Variants in UBAC2 observed in about 807,000 individuals in gnomAD.
The protein encoded by UBAC2 is UBA domain containing 2.
A neutral mutation model predicts 44.0 loss-of-function variants in UBAC2; 26 were observed. The ratio of observed to expected loss-of-function variants is 0.59; its 90% confidence interval spans 0.43 to 0.82. The LOEUF is 0.82. UBAC2 is among the 40% of genes least tolerant of loss of function. The pLI is 0.00. For synonymous variants in UBAC2, 155 were observed against 154.3 expected (o/e 1.00, Z -0.04); for missense variants, 329 against 419.4 (o/e 0.78, Z 1.88).
At chr13:99,346,387 A>G (rs1031303153) in intron 7 of UBAC2, among the ~76,000 whole-genome samples, 6 of 152,120 alleles carry the variant, frequency 3.9e-5, no homozygotes, top group Non-Finnish European at 8.8e-5. Flanking sequence ...CACTCCAGCT[A>G]TCATCCTTCA....
intron 7 of UBAC2, among the ~76,000 whole-genome samples, chr13:99,354,481 C>G (rs2390241): frequency 1.3e-5 from 2 of 152,182 alleles, no homozygotes; most frequent in African/African-American, 4.8e-5. Context: ...CACTTGGCGG[C>G]TTGGCTGAGT....
intron 6 of UBAC2, among the ~76,000 whole-genome samples, chr13:99,332,216 T>C (rs2044725657): frequency 6.6e-6 from 1 of 152,140 alleles, no homozygotes; most frequent in African/African-American, 2.4e-5. Context: ...CATTGCAAAG[T>C]CATAGTTTCT....
chr13:99,305,342 A>AC (rs1306047375), intron 4 of UBAC2, among the ~76,000 whole-genome samples: 3 of 151,714 alleles, frequency 2.0e-5, no homozygotes, highest in Non-Finnish European at 4.4e-5. Context: ...AAGGTGATAA[A>AC]CCCCCCAGAC....
At chr13:99,361,404 A>G (rs896813218) in intron 7 of UBAC2, among the ~76,000 whole-genome samples, 1 of 152,180 alleles carries the variant, frequency 6.6e-6, no homozygotes, top group Non-Finnish European at 1.5e-5. Context: ...TCTGCTTTTT[A>G]AGCACTTTTC....
chr13:99,349,819 A>ACC (rs2045052909), intron 7 of UBAC2, among the ~76,000 whole-genome samples: 2 of 152,168 alleles, frequency 1.3e-5, no homozygotes, highest in Non-Finnish European at 2.9e-5. Flanking sequence ...CATCACAGGG[A>ACC]GGGGTTTAGG....
intron 6 of UBAC2, among the ~76,000 whole-genome samples, chr13:99,320,057 T>C (rs1336056087): frequency 6.6e-6 from 1 of 152,234 alleles, no homozygotes; most frequent in African/African-American, 2.4e-5. Flanking sequence ...TTACTCTCCA[T>C]ATTTGTCCCC....
intron 1 of UBAC2, among the ~76,000 whole-genome samples, chr13:99,236,551 A>T (rs2043234841): frequency 6.6e-6 from 1 of 152,240 alleles, no homozygotes; most frequent in African/African-American, 2.4e-5. Context: ...TCAAAAAGAC[A>T]GGAATAACAG....
chr13:99,357,023 G>A (rs751963137), intron 7 of UBAC2, among the ~76,000 whole-genome samples: 1 of 152,160 alleles, frequency 6.6e-6, no homozygotes, highest in Non-Finnish European at 1.5e-5. Flanking sequence ...GCTCACTCTT[G>A]TAGTCATGCA....
chr13:99,364,373 G>T (rs892489603), intron 7 of UBAC2, among the ~76,000 whole-genome samples: 3 of 149,174 alleles, frequency 2.0e-5, no homozygotes, highest in African/African-American at 5.0e-5. Flanking sequence ...CTAGATAAGA[G>T]AATTATTTTG....
chr13:99,347,906 C>T (rs1486811364), intron 7 of UBAC2, among the ~76,000 whole-genome samples: 1 of 152,032 alleles, frequency 6.6e-6, no homozygotes. Context: ...GTGGTGCCCA[C>T]TTCTTATCTC....
intron 1 of UBAC2, chr13:99,201,372 C>G: frequency 6.3e-7 from 1 of 1,585,188 alleles, no homozygotes; most frequent in Non-Finnish European, 8.6e-7. Flanking sequence ...TTGCAAAGTT[C>G]AGCCTCCGCT....
intron 4 of UBAC2, among the ~76,000 whole-genome samples, chr13:99,299,022 GA>G (rs1198325541): frequency 1.3e-5 from 2 of 151,864 alleles, no homozygotes; most frequent in Admixed American, 6.5e-5. Context: ...TACATGGCAG[GA>G]AAAAAATACT....
At chr13:99,357,912 GTTTC>G (rs2045210900) in intron 7 of UBAC2, among the ~76,000 whole-genome samples, 1 of 152,192 alleles carries the variant, frequency 6.6e-6, no homozygotes, top group Non-Finnish European at 1.5e-5. Flanking sequence ...TTTTGCAACT[GTTTC>G]TTGAGTGCTT....
At chr13:99,366,498 G>C (rs1220792139) in intron 7 of UBAC2, among the ~76,000 whole-genome samples, 2 of 152,006 alleles carry the variant, frequency 1.3e-5, no homozygotes, top group East Asian at 3.8e-4. Context: ...TTTTTTGATG[G>C]GTTCTGAGAC....
At position 99,244,632 on chromosome 13, in the gene UBAC2, G is replaced by T; in HGVS notation, c.389+8G>T. The T allele has an allele frequency of 6.5e-7, 1 of 1,538,690 alleles. No individual in the cohort carries two copies. On this transcript the variant is annotated splice_region_variant and intron_variant, in intron 4 of 8. Coordinates refer to ENST00000403766, the MANE Select transcript of UBAC2 (RefSeq NM_001144072.2). Reference sequence around the variant, plus strand: ...TAATTTGCCTTCTGGATTGTAAGTAGCACTTAAAGATTGACTTAATTTAGA... The same window carrying T: ...TAATTTGCCTTCTGGATTGTAAGTATCACTTAAAGATTGACTTAATTTAGA...
chr13:99,338,277 C>G (rs1017978223), intron 6 of UBAC2, among the ~76,000 whole-genome samples: 2 of 151,954 alleles, frequency 1.3e-5, no homozygotes, highest in African/African-American at 4.8e-5. Context: ...AGGCTGGTCT[C>G]AAACTCCTGA....
intron 4 of UBAC2, among the ~76,000 whole-genome samples, chr13:99,308,348 G>A (rs1008524259): frequency 1.1e-4 from 17 of 152,108 alleles, no homozygotes; most frequent in African/African-American, 3.9e-4. Context: ...GTAGGCATAG[G>A]GTCATTATCC....
intron 4 of UBAC2, among the ~76,000 whole-genome samples, chr13:99,249,250 A>T (rs1357090382): frequency 6.6e-5 from 10 of 150,430 alleles, no homozygotes; most frequent in Admixed American, 6.0e-4. Flanking sequence ...GTCCATGTGT[A>T]CCCAGTGTTT....
At chr13:99,331,003 C>T (rs940279108) in intron 6 of UBAC2, among the ~76,000 whole-genome samples, 8 of 152,156 alleles carry the variant, frequency 5.3e-5, no homozygotes, top group Non-Finnish European at 1.0e-4. Flanking sequence ...TGATGGTTTT[C>T]TCCATGTGCT....
Sources: allele counts gnomAD v4.1 joint callset (sites outside exome capture counted in the v4.1 genomes callset), GRCh38; gene constraint gnomAD v4.1.1; transcripts MANE v1.5; gene names NCBI Gene and HGNC (gene_info 2026-07-23, HGNC 2026-07-21).